MAF: variants seen among roughly 807,000 people sequenced by gnomAD.
MAF encodes the protein MAF bZIP transcription factor.
Under a neutral mutation model 22.0 loss-of-function variants are expected in MAF, and 10 were observed. The observed-to-expected ratio is 0.45, with a 90% CI of 0.28 to 0.77. The LOEUF (loss-of-function observed/expected upper bound fraction) is 0.77, where lower values mean the gene tolerates loss of function less well. Among genes scored for constraint, MAF ranks in the 30% least tolerant of loss-of-function variants. MAF has a pLI of 0.12. For missense variants in MAF, 544 were observed against 548.4 expected, an observed-to-expected ratio of 0.99 and a Z score of 0.08; for synonymous variants, 337 against 255.8, an observed-to-expected ratio of 1.32 and a Z score of -3.03.
downstream of MAF, among the ~76,000 whole-genome samples, chr16:79,585,247 T>G (rs1257732279): frequency 6.6e-6 from 1 of 152,206 alleles, no homozygotes; most frequent in African/African-American, 2.4e-5. Context: ...TCCATTATTT[T>G]AATAGATGAA....
chr16:79,484,993 T>C, the MAF span, among the ~76,000 whole-genome samples: 24 of 152,330 alleles, frequency 1.6e-4, no homozygotes, highest in African/African-American at 5.8e-4. Flanking sequence ...TGCTCAACTT[T>C]CCTGCCTCAA....
At chr16:79,235,683 G>T in the MAF span, among the ~76,000 whole-genome samples, 1 of 152,040 alleles carries the variant, frequency 6.6e-6, no homozygotes. Context: ...AATTAATTTA[G>T]TTAGCAATGG....
chr16:79,272,992 T>C, the MAF span, among the ~76,000 whole-genome samples: 5 of 152,216 alleles, frequency 3.3e-5, no homozygotes, highest in African/African-American at 4.8e-5. Context: ...AAACTCTAAA[T>C]TATAAAATAC....
chr16:79,306,428 T>A, the MAF span, among the ~76,000 whole-genome samples: 2 of 152,222 alleles, frequency 1.3e-5, no homozygotes, highest in Non-Finnish European at 2.9e-5. Flanking sequence ...TGTAGGTTTT[T>A]AAGGATACAC....
chr16:79,512,139 C>T, the MAF span, among the ~76,000 whole-genome samples: 2 of 152,212 alleles, frequency 1.3e-5, no homozygotes, highest in Non-Finnish European at 2.9e-5. Context: ...CTTTGAATGA[C>T]AATGTTTTTC....
downstream of MAF, among the ~76,000 whole-genome samples, chr16:79,581,221 C>G (rs1304574386): frequency 6.6e-6 from 1 of 152,138 alleles, no homozygotes; most frequent in Non-Finnish European, 1.5e-5. Context: ...TTCTGCTATT[C>G]AGAATGTTCA....
the MAF span, among the ~76,000 whole-genome samples, chr16:79,330,990 A>G: frequency 2.0e-5 from 3 of 152,230 alleles, no homozygotes; most frequent in Non-Finnish European, 2.9e-5. Flanking sequence ...AATGGTAAGA[A>G]GCCATGTAAA....
At chr16:79,543,676 CTTTTT>C in the MAF span, among the ~76,000 whole-genome samples, 2 of 137,278 alleles carry the variant, frequency 1.5e-5, no homozygotes, top group South Asian at 2.2e-4. Flanking sequence ...TTTTCTTTTT[CTTTTT>C]TTTTTTTTCT....
At chr16:79,221,866 A>G in the MAF span, among the ~76,000 whole-genome samples, 4 of 152,312 alleles carry the variant, frequency 2.6e-5, no homozygotes, top group South Asian at 8.3e-4. Context: ...CAATTTAATT[A>G]TGTTTAACCC....
the MAF span, among the ~76,000 whole-genome samples, chr16:79,325,924 ACT>A: frequency 7.0e-4 from 107 of 152,244 alleles, no homozygotes; most frequent in African/African-American, 2.4e-3. Flanking sequence ...GGATCCCCAC[ACT>A]CTGATCTTGT....
At chr16:79,498,254 G>C in the MAF span, among the ~76,000 whole-genome samples, 5 of 152,194 alleles carry the variant, frequency 3.3e-5, no homozygotes, top group African/African-American at 4.8e-5. Flanking sequence ...GGGCCACGTG[G>C]TCTCCATTGC....
At chr16:79,427,931 T>C in the MAF span, among the ~76,000 whole-genome samples, 111 of 151,888 alleles carry the variant, frequency 7.3e-4, no homozygotes, top group South Asian at 0.017. Context: ...AATAAATGAA[T>C]GGAGTGTGAA....
At chr16:79,283,809 G>C in the MAF span, among the ~76,000 whole-genome samples, 1 of 152,068 alleles carries the variant, frequency 6.6e-6, no homozygotes, top group Non-Finnish European at 1.5e-5. Flanking sequence ...ACTACCTCCA[G>C]AGACCTTGGG....
the MAF span, among the ~76,000 whole-genome samples, chr16:79,339,128 G>A: frequency 6.6e-6 from 1 of 151,992 alleles, no homozygotes; most frequent in African/African-American, 2.4e-5. Context: ...GGAGCGCAGT[G>A]GCACCATCTC....
the MAF span, among the ~76,000 whole-genome samples, chr16:79,512,938 C>G: frequency 6.6e-6 from 1 of 152,196 alleles, no homozygotes; most frequent in Non-Finnish European, 1.5e-5. Flanking sequence ...AGATGTCAAG[C>G]AGCGCGAGAG....
the MAF span, chr16:79,212,349 TGAC>T: frequency 3.2e-6 from 2 of 632,456 alleles, no homozygotes; most frequent in African/African-American, 3.6e-5. Context: ...AGGATGACAG[TGAC>T]ACCCAGAGGG....
the MAF span, among the ~76,000 whole-genome samples, chr16:79,386,126 G>A: frequency 6.6e-6 from 1 of 152,098 alleles, no homozygotes; most frequent in Non-Finnish European, 1.5e-5. Flanking sequence ...CTGGTTTCAT[G>A]GAAGACAATT....
chr16:79,396,689 C>A, the MAF span, among the ~76,000 whole-genome samples: 1 of 152,186 alleles, frequency 6.6e-6, no homozygotes, highest in East Asian at 1.9e-4. Flanking sequence ...AGTGGTTCTC[C>A]AACTTGCTGC....
At chr16:79,328,613 G>C in the MAF span, among the ~76,000 whole-genome samples, 2 of 152,228 alleles carry the variant, frequency 1.3e-5, no homozygotes, top group African/African-American at 4.8e-5. Context: ...CTTGAACGAA[G>C]ACAAAGCTTA....
Sources: allele counts gnomAD v4.1 joint callset (sites outside exome capture counted in the v4.1 genomes callset), GRCh38; gene constraint gnomAD v4.1.1; transcripts MANE v1.5; gene names NCBI Gene and HGNC (gene_info 2026-07-23, HGNC 2026-07-21).